The following PTPRG variants were observed in gnomAD, a reference collection of about 807,000 sequenced individuals.
The protein encoded by PTPRG is protein tyrosine phosphatase receptor type G.
PTPRG carries 102 observed loss-of-function variants against 165.3 expected under a neutral mutation model. That is an observed-to-expected ratio of 0.62 (90% CI 0.53 to 0.73). The LOEUF (loss-of-function observed/expected upper bound fraction) is 0.73, where lower values mean the gene tolerates loss of function less well. PTPRG is among the 30% of genes least tolerant of loss of function. The pLI, the probability that PTPRG is intolerant of heterozygous loss-of-function variation, is 0.00. For missense variants in PTPRG, 1,866 were observed against 1,861.4 expected, an observed-to-expected ratio of 1.00 and a Z score of -0.05; for synonymous variants, 675 against 669.5, an observed-to-expected ratio of 1.01 and a Z score of -0.13.
rs1705583860 is a variant in PTPRG, at chr3:62,179,960, G to T, written c.1034-11509G>T. 1.3e-5 allele frequency among the ~76,000 whole-genome samples: 2 copies of T among 152,226 alleles called. 1 individual carries two copies. The highest frequency in any genetic ancestry group is 4.1e-4 in the South Asian group (2 of 4,832). On this transcript the variant is annotated intron_variant, in intron 8 of 29. Coordinates refer to ENST00000474889, the MANE Select transcript of PTPRG (RefSeq NM_002841.4). ...ACAAGTAGGAGTAGCAAGTGGCCAG[G>T]AAGTAGCAGAGATGCAGAGTTAACA...
chr3:62,143,786 T>A (rs1222817511), intron 6 of PTPRG, among the ~76,000 whole-genome samples: 2 of 152,212 alleles, frequency 1.3e-5, no homozygotes, highest in East Asian at 3.9e-4. Flanking sequence ...CAGGCTGGCC[T>A]GGGTTTGAAT....
intron 4 of PTPRG, among the ~76,000 whole-genome samples, chr3:62,047,994 G>A (rs1700351598): frequency 6.6e-6 from 1 of 152,038 alleles, no homozygotes; most frequent in African/African-American, 2.4e-5. Context: ...TAGTAACCTG[G>A]CGCTCCATTA....
At chr3:62,055,748 G>T (rs1700611992) in intron 4 of PTPRG, among the ~76,000 whole-genome samples, 1 of 152,128 alleles carries the variant, frequency 6.6e-6, no homozygotes, top group African/African-American at 2.4e-5. Flanking sequence ...TGGCTTTGTA[G>T]ATGCATCACT....
At chr3:61,788,428 G>A (rs1258143760) in intron 2 of PTPRG, among the ~76,000 whole-genome samples, 1 of 152,280 alleles carries the variant, frequency 6.6e-6, no homozygotes, top group Non-Finnish European at 1.5e-5. Context: ...TAATATTAAA[G>A]TTGTCATGAA....
intron 20 of PTPRG, among the ~76,000 whole-genome samples, chr3:62,270,773 T>C (rs1702035237): frequency 6.6e-6 from 1 of 152,188 alleles, no homozygotes; most frequent in African/African-American, 2.4e-5. Context: ...ATAATCTATT[T>C]GGGGAATATT....
chr3:62,065,751 C>G (rs975803200), intron 4 of PTPRG, among the ~76,000 whole-genome samples: 24 of 152,132 alleles, frequency 1.6e-4, no homozygotes, highest in African/African-American at 5.8e-4. Context: ...TCCAGAAGAA[C>G]CTTTTGTAAG....
chr3:61,712,232 A>G (rs1453395125), intron 1 of PTPRG, among the ~76,000 whole-genome samples: 3 of 152,134 alleles, frequency 2.0e-5, no homozygotes, highest in Non-Finnish European at 4.4e-5. Context: ...TTTAACTGCC[A>G]TCGATTATTT....
At chr3:62,135,531 A>AT (rs948047797) in intron 6 of PTPRG, among the ~76,000 whole-genome samples, 2 of 151,702 alleles carry the variant, frequency 1.3e-5, no homozygotes, top group African/African-American at 2.4e-5. Context: ...TTTCTCATTA[A>AT]TTTTTTTTTA....
chr3:62,204,175 T>C (rs1027808310), intron 12 of PTPRG, among the ~76,000 whole-genome samples: 1 of 152,214 alleles, frequency 6.6e-6, no homozygotes, highest in Non-Finnish European at 1.5e-5. Flanking sequence ...TTCTTTGATA[T>C]TTGTTTTCTT....
At chr3:62,201,008 A>G (rs1700084262) in intron 10 of PTPRG, among the ~76,000 whole-genome samples, 1 of 152,224 alleles carries the variant, frequency 6.6e-6, no homozygotes, top group South Asian at 2.1e-4. Context: ...AAATACAGGT[A>G]AAACTGACAG....
At chr3:61,819,910 TTATAAC>T (rs1028337560) in intron 2 of PTPRG, among the ~76,000 whole-genome samples, 20 of 152,226 alleles carry the variant, frequency 1.3e-4, no homozygotes, top group African/African-American at 4.3e-4. Context: ...ATGGAAAACA[TTATAAC>T]TAGTTGGGAA....
chr3:61,945,009 A>G (rs144641864), intron 2 of PTPRG, among the ~76,000 whole-genome samples: 7 of 152,270 alleles, frequency 4.6e-5, no homozygotes, highest in South Asian at 2.1e-4. Flanking sequence ...TGCGTGTGTC[A>G]TGAAGGTCTC....
chr3:62,011,821 G>A (rs1227381705), intron 4 of PTPRG, among the ~76,000 whole-genome samples: 1 of 152,296 alleles, frequency 6.6e-6, no homozygotes, highest in Middle Eastern at 3.4e-3. Flanking sequence ...CATGATGTCT[G>A]GCAGTCCTCA....
chr3:61,794,940 A>C (rs1254871429), intron 2 of PTPRG, among the ~76,000 whole-genome samples: 3 of 152,224 alleles, frequency 2.0e-5, no homozygotes, highest in African/African-American at 7.2e-5. Context: ...ATAAATGAAT[A>C]CTAAGTTGGT....
At chr3:62,046,190 G>C (rs1700285934) in intron 4 of PTPRG, among the ~76,000 whole-genome samples, 1 of 152,134 alleles carries the variant, frequency 6.6e-6, no homozygotes, top group Non-Finnish European at 1.5e-5. Context: ...AGGCAAGAAT[G>C]GAATTGGAGG....
chr3:61,757,220 G>A (rs781514670), intron 2 of PTPRG, among the ~76,000 whole-genome samples: 5 of 152,040 alleles, frequency 3.3e-5, no homozygotes, highest in African/African-American at 9.6e-5. Context: ...AGTTAATTGC[G>A]GTTATCATTG....
At chr3:61,769,102 A>C (rs2034127049) in intron 2 of PTPRG, among the ~76,000 whole-genome samples, 1 of 152,224 alleles carries the variant, frequency 6.6e-6, no homozygotes, top group Non-Finnish European at 1.5e-5. Flanking sequence ...GACAATATGT[A>C]TTTAAGTCAC....
chr3:62,152,666 T>A (rs952830271), intron 6 of PTPRG, among the ~76,000 whole-genome samples: 1 of 148,926 alleles, frequency 6.7e-6, no homozygotes, highest in African/African-American at 2.6e-5. Context: ...CGACTTGAAC[T>A]GAGATGGGGG....
At chr3:62,160,864 A>T (rs1241039010) in intron 7 of PTPRG, among the ~76,000 whole-genome samples, 24 of 103,974 alleles carry the variant, frequency 2.3e-4, no homozygotes, top group Admixed American at 8.5e-4. Context: ...TAGATGTGTG[A>T]TTTTTTTTTT....
Sources: allele counts gnomAD v4.1 joint callset (sites outside exome capture counted in the v4.1 genomes callset), GRCh38; gene constraint gnomAD v4.1.1; transcripts MANE v1.5; gene names NCBI Gene and HGNC (gene_info 2026-07-23, HGNC 2026-07-21).